SSH2: variants seen among roughly 807,000 people sequenced by gnomAD.
SSH2 encodes slingshot protein phosphatase 2, also known as protein phosphatase Slingshot homolog 2.
Under a neutral mutation model 135.2 loss-of-function variants are expected in SSH2, and 37 were observed. The ratio of observed to expected loss-of-function variants is 0.27; its 90% CI spans 0.21 to 0.36. The LOEUF (loss-of-function observed/expected upper bound fraction) is 0.36, where lower values mean the gene tolerates loss of function less well. Ranked by LOEUF, SSH2 falls within the 10% of genes least tolerant of loss-of-function variation. The probability of loss-of-function intolerance (pLI) is 1.00; values close to 1 mark genes in which losing one functional copy is unlikely to be tolerated. For missense variants in SSH2, 1,408 were observed against 1,765.3 expected, an observed-to-expected ratio of 0.80 and a Z score of 3.63; for synonymous variants, 628 against 646.2, an observed-to-expected ratio of 0.97 and a Z score of 0.43.
At chr17:29,915,436 C>T (rs2066863888) in intron 1 of SSH2, among the ~76,000 whole-genome samples, 1 of 152,162 alleles carries the variant, frequency 6.6e-6, no homozygotes, top group Non-Finnish European at 1.5e-5. Context: ...CACTCAGTGT[C>T]TTTGGATCTC....
intron 1 of SSH2, among the ~76,000 whole-genome samples, chr17:29,864,738 T>TAA (rs1488959119): frequency 1.3e-5 from 2 of 151,968 alleles, no homozygotes; most frequent in Admixed American, 1.3e-4. Context: ...TTTTCTAATA[T>TAA]AATCAGCTTC....
At chr17:29,882,738 C>A (rs1169418205) in intron 1 of SSH2, among the ~76,000 whole-genome samples, 1 of 152,060 alleles carries the variant, frequency 6.6e-6, no homozygotes, top group African/African-American at 2.4e-5. Flanking sequence ...GGCAACAGAG[C>A]AAAACTCCAT....
At chr17:29,742,157 G>A (rs201748167) in intron 3 of SSH2, among the ~76,000 whole-genome samples, 24 of 151,608 alleles carry the variant, frequency 1.6e-4, no homozygotes, top group East Asian at 5.8e-4. Flanking sequence ...AGATGGTCTC[G>A]ATTTCCTGAC....
chr17:29,658,993 A>G (rs2036909357), intron 11 of SSH2, among the ~76,000 whole-genome samples: 1 of 152,100 alleles, frequency 6.6e-6, no homozygotes, highest in African/African-American at 2.4e-5. Flanking sequence ...ATATAAGCAA[A>G]CATATGCTTA....
intron 1 of SSH2, among the ~76,000 whole-genome samples, chr17:29,887,376 G>A (rs1028965854): frequency 2.6e-5 from 4 of 152,172 alleles, no homozygotes; most frequent in African/African-American, 9.7e-5. Flanking sequence ...GAGTACTTTA[G>A]GTGTATTTCC....
intron 12 of SSH2, among the ~76,000 whole-genome samples, chr17:29,655,190 G>A (rs912444541): frequency 7.3e-5 from 11 of 151,722 alleles, no homozygotes; most frequent in African/African-American, 2.4e-5. Flanking sequence ...TGCAAGCTCC[G>A]CCTCCCAGGT....
intron 3 of SSH2, among the ~76,000 whole-genome samples, chr17:29,747,685 A>G (rs1362740667): frequency 6.6e-6 from 1 of 152,216 alleles, no homozygotes. Flanking sequence ...TAGGATACTG[A>G]TTTTTTCTTT....
rs9902415 is a variant in SSH2, at chr17:29,921,775, C to A, written c.63+8163G>T. Reference sequence around the variant, plus strand: ...ATTTAGTAGGCTGGTCTCAAACTCCCGACCTCAGGTGATCTGCCTGCCTCA... The same window carrying A: ...ATTTAGTAGGCTGGTCTCAAACTCCAGACCTCAGGTGATCTGCCTGCCTCA... On this transcript the variant is annotated intron_variant, in intron 1 of 15. Coordinates refer to ENST00000540801, the MANE Select transcript of SSH2 (RefSeq NM_001282129.2). Among the ~76,000 whole-genome samples, 991 of 151,986 alleles carry A rather than the reference C, an allele frequency of 6.5e-3. 6 individuals carry two copies. Among genetic ancestry groups the A allele is most frequent in the African/African-American group, 0.023 (949 of 41,454 alleles).
chr17:29,890,852 TTCA>T (rs1275264297), intron 1 of SSH2, among the ~76,000 whole-genome samples: 21 of 152,162 alleles, frequency 1.4e-4, no homozygotes, highest in African/African-American at 5.1e-4. Flanking sequence ...GCCTCCTGTG[TTCA>T]AGTGATTTTC....
intron 3 of SSH2, chr17:29,776,457 C>T (rs1429846280): frequency 6.6e-6 from 1 of 152,154 alleles, no homozygotes; most frequent in Non-Finnish European, 1.5e-5. Flanking sequence ...ATGGACATTA[C>T]AGTTGTGTTC....
At chr17:29,815,267 G>A (rs946129032) in intron 2 of SSH2, among the ~76,000 whole-genome samples, 2 of 151,982 alleles carry the variant, frequency 1.3e-5, no homozygotes, top group Non-Finnish European at 2.9e-5. Flanking sequence ...GGGATTACAG[G>A]CACAGGCCAC....
intron 11 of SSH2, among the ~76,000 whole-genome samples, chr17:29,664,021 T>C (rs1462234264): frequency 6.6e-6 from 1 of 152,182 alleles, no homozygotes; most frequent in African/African-American, 2.4e-5. Flanking sequence ...TTTAAAAAAA[T>C]AAAGACAATG....
At chr17:29,782,123 G>A (rs1268985441) in intron 3 of SSH2, among the ~76,000 whole-genome samples, 1 of 152,176 alleles carries the variant, frequency 6.6e-6, no homozygotes, top group Non-Finnish European at 1.5e-5. Context: ...TGGGATTATA[G>A]GCACGAGCCA....
intron 1 of SSH2, among the ~76,000 whole-genome samples, chr17:29,920,220 GGT>G (rs1326812519): frequency 6.6e-6 from 1 of 152,160 alleles, no homozygotes; most frequent in Admixed American, 6.5e-5. Flanking sequence ...GATATTTAAT[GGT>G]GAAACCTAGG....
chr17:29,887,970 C>T (rs546373686), intron 1 of SSH2, among the ~76,000 whole-genome samples: 1 of 152,162 alleles, frequency 6.6e-6, no homozygotes, highest in South Asian at 2.1e-4. Context: ...GGCGTGGTAA[C>T]TCATGACTGC....
At chr17:29,726,021 A>G (rs1386733485) in intron 3 of SSH2, among the ~76,000 whole-genome samples, 1 of 152,236 alleles carries the variant, frequency 6.6e-6, no homozygotes, top group African/African-American at 2.4e-5. Flanking sequence ...GCAGTGGGTA[A>G]GAGGCTAAAA....
chr17:29,702,621 C>T (rs1352187436), intron 4 of SSH2, among the ~76,000 whole-genome samples: 1 of 152,240 alleles, frequency 6.6e-6, no homozygotes, highest in African/African-American at 2.4e-5. Flanking sequence ...TGCCACTGCA[C>T]TCCACCCTGG....
At chr17:29,736,087 A>G (rs551455750) in intron 3 of SSH2, among the ~76,000 whole-genome samples, 4 of 152,170 alleles carry the variant, frequency 2.6e-5, no homozygotes, top group Non-Finnish European at 5.9e-5. Context: ...ACAGAGTGAC[A>G]CTATCTAAAA....
intron 1 of SSH2, among the ~76,000 whole-genome samples, chr17:29,867,516 G>A (rs1273042863): frequency 6.6e-6 from 1 of 152,210 alleles, no homozygotes; most frequent in Non-Finnish European, 1.5e-5. Context: ...ATCACTGTAT[G>A]TGTGCAAAGA....
Sources: gnomAD v4.1 joint callset for allele counts (sites outside exome capture counted in the v4.1 genomes callset) on GRCh38, gnomAD v4.1.1 for gene constraint, MANE v1.5 for transcripts, NCBI Gene and HGNC (gene_info 2026-07-23, HGNC 2026-07-21) for gene names.